The following GLB1L2 variants were observed in gnomAD, a reference collection of about 807,000 sequenced individuals.
GLB1L2 encodes galactosidase beta 1 like 2.
Under a neutral mutation model 84.1 loss-of-function variants are expected in GLB1L2, and 68 were observed. The ratio of observed to expected loss-of-function variants is 0.81; its 90% confidence interval spans 0.67 to 0.99. GLB1L2 has a LOEUF of 0.99. GLB1L2 is among the 50% of genes least tolerant of loss of function. The pLI, the probability that GLB1L2 is intolerant of heterozygous loss-of-function variation, is 0.00. For synonymous variants in GLB1L2, 290 were observed against 318.0 expected (o/e 0.91, Z 0.94); for missense variants, 762 against 805.6 (o/e 0.95, Z 0.66).
At chr11:134,363,025 C>T (rs751418111) in intron 7 of GLB1L2, among the ~76,000 whole-genome samples, 11 of 152,190 alleles carry the variant, frequency 7.2e-5, no homozygotes, top group Admixed American at 3.3e-4. Context: ...TGAGACGTAT[C>T]AGGAAGGACA....
In GLB1L2 at chr11:134,354,232, C is replaced by T. The variant is rs372094653; in HGVS notation, c.559-2069C>T. On this transcript the variant is annotated intron_variant, in intron 5 of 18. Coordinates refer to ENST00000535456, the MANE Select transcript of GLB1L2 (RefSeq NM_001370461.1). ...GATATATAATATCCTAAAGTTGTGACATTCTGTTTTAAATTGATACCAACC... is the reference window on the plus strand; with the variant it reads ...GATATATAATATCCTAAAGTTGTGATATTCTGTTTTAAATTGATACCAACC... Among the ~76,000 whole-genome samples, 197 of 152,138 alleles carry T rather than the reference C, an allele frequency of 1.3e-3. 1 individual carries two copies. The highest frequency in any genetic ancestry group is 4.6e-3 in the African/African-American group (192 of 41,506).
intron 6 of GLB1L2, among the ~76,000 whole-genome samples, chr11:134,358,334 G>A (rs930561820): frequency 2.6e-5 from 4 of 152,230 alleles, no homozygotes; most frequent in African/African-American, 7.2e-5. Context: ...TCCGAGGCGC[G>A]TCTCTACTGT....
chr11:134,345,884 C>T (rs1465661980), intron 4 of GLB1L2, among the ~76,000 whole-genome samples: 12 of 152,192 alleles, frequency 7.9e-5, no homozygotes, highest in South Asian at 2.1e-4. Flanking sequence ...TCTCGGCCCA[C>T]GTGTGTCATC....
intron 7 of GLB1L2, chr11:134,359,968 G>T (rs1013960059): frequency 1.3e-5 from 2 of 152,294 alleles, no homozygotes; most frequent in Non-Finnish European, 2.9e-5. Context: ...TTCTTCCTTC[G>T]TGGGGCTCAC....
At chr11:134,373,670 G>C in intron 15 of GLB1L2, 51 bp from the exon 16 acceptor site, 1 of 1,259,964 alleles carries the variant, frequency 7.9e-7, no homozygotes, top group Middle Eastern at 2.0e-4. Context: ...CGGCCCAGCT[G>C]ACTCGGCCCC....
chr11:134,347,315 A>G lies in GLB1L2; in HGVS notation c.450-10A>G. Reference sequence around the variant, plus strand: ...CTAACATCCTTCCTTTCCCCCGTTTACACTTCAAGCTGGCTACTCCAAGAC... The same window carrying G: ...CTAACATCCTTCCTTTCCCCCGTTTGCACTTCAAGCTGGCTACTCCAAGAC... On this transcript the variant is annotated splice_polypyrimidine_tract_variant and intron_variant, in intron 4 of 18. Coordinates refer to ENST00000535456, the MANE Select transcript of GLB1L2 (RefSeq NM_001370461.1). 6.2e-7 allele frequency: 1 copy of G among 1,605,970 alleles called. No homozygotes were observed. The highest frequency in any genetic ancestry group is 1.1e-5 in the South Asian group (1 of 90,884).
intron 6 of GLB1L2, among the ~76,000 whole-genome samples, chr11:134,358,289 T>C (rs1344352084): frequency 2.0e-5 from 3 of 152,252 alleles, no homozygotes; most frequent in African/African-American, 4.8e-5. Flanking sequence ...CACGTTGCCA[T>C]GGGCCCTGTA....
At position 134,370,248 on chromosome 11, in the gene GLB1L2, T is replaced by G; in HGVS notation, c.1109-45T>G. 1.3e-6 allele frequency: 2 copies of G among 1,523,710 alleles called. No homozygotes were observed. The highest frequency in any genetic ancestry group is 1.8e-6 in the Non-Finnish European group (2 of 1,098,176). 94.4% of individuals were successfully genotyped at this position (1,523,710 alleles called of 1,614,324 possible). ...CCGGGTGGGGAGGACGAGCAGGCAG[T>G]GACATTTGGGTCCGTTGGGGGTGAC... On this transcript the variant is annotated intron_variant, in intron 11 of 18. Transcript: ENST00000535456. The surrounding 1 kb of genome is among the most constrained non-coding windows in gnomAD (Gnocchi z 4.7).
At chr11:134,335,403 A>G (rs1220388894) in intron 1 of GLB1L2, among the ~76,000 whole-genome samples, 1 of 152,070 alleles carries the variant, frequency 6.6e-6, no homozygotes, top group African/African-American at 2.4e-5. Context: ...AAACTCTTTG[A>G]ACAGTGTTCC....
chr11:134,362,238 C>CATAGAGAA (rs1943803068), intron 7 of GLB1L2, among the ~76,000 whole-genome samples: 1 of 152,030 alleles, frequency 6.6e-6, no homozygotes, highest in Non-Finnish European at 1.5e-5. Context: ...CTTCTCATAG[C>CATAGAGAA]ATACTTTAGA....
chr11:134,348,028 A>G (rs777869470), intron 5 of GLB1L2, among the ~76,000 whole-genome samples: 18 of 152,234 alleles, frequency 1.2e-4, no homozygotes, highest in Non-Finnish European at 2.9e-5. Flanking sequence ...TTATATAATA[A>G]TTGGAAGCTT....
intron 3 of GLB1L2, 22 bp from the exon 4 acceptor site, chr11:134,345,012 C>T: frequency 6.2e-7 from 1 of 1,607,230 alleles, no homozygotes; most frequent in Non-Finnish European, 8.5e-7. Context: ...GTGGGAGGGG[C>T]TGACGATGTG....
chr11:134,356,268 C>A, intron 5 of GLB1L2, 33 bp from the exon 6 acceptor site: 1 of 1,571,572 alleles, frequency 6.4e-7, no homozygotes, highest in Non-Finnish European at 8.8e-7. Flanking sequence ...CCCCTGCACA[C>A]TCAGCTCCTG....
rs544755339 is a variant in GLB1L2 at position 134,338,987 on chromosome 11, G to C, written c.87-3767G>C. 6.6e-6 allele frequency among the ~76,000 whole-genome samples: 1 copy of C among 152,158 alleles called. No individual in the cohort carries two copies. Among genetic ancestry groups the C allele is most frequent in the Non-Finnish European group, 1.5e-5 (1 of 68,034 alleles). ...CGGACTCTTCTAAGGTGGAAAAATC[G>C]CTTTGGATAAATGAAGCCGAGATAC... is the stretch of plus-strand genomic sequence containing the variant. On this transcript the variant is annotated intron_variant, in intron 1 of 18. Coordinates refer to ENST00000535456, the MANE Select transcript of GLB1L2 (RefSeq NM_001370461.1). This position sits in a 1 kb window ranked among gnomAD's most constrained non-coding sequence, Gnocchi z 6.2.
intron 5 of GLB1L2, 42 bp downstream of exon 5, chr11:134,347,475 C>T (rs1013292290): frequency 1.4e-6 from 2 of 1,380,032 alleles, no homozygotes; most frequent in African/African-American, 2.8e-5. Context: ...GTCTGTCTTC[C>T]TCTAGGTCGT....
chr11:134,369,872 C>A lies in GLB1L2; in HGVS notation c.1095C>A (p.Phe365Leu). ...AGTACATGAAGCTTCGAGACTTCTT[C>A]GGCTCCATCTCAGGTACCCAGCAGA... Reference protein sequence around the residue: ...TAKYMKLRDFFGSISGIPLPP... With the variant: ...TAKYMKLRDFLGSISGIPLPP... The change falls in exon 11 of 19, where the codon TTC (phenylalanine) becomes TTA (leucine). Residue 365 changes from phenylalanine (F) to leucine (L), a missense_variant. Phe to Leu is a conservative substitution (Grantham distance 22). This residue lies in a region of GLB1L2 where 603 missense variants were observed against 611.7 expected (regional missense o/e 0.99). Coordinates refer to ENST00000535456, the MANE Select transcript of GLB1L2 (RefSeq NM_001370461.1). 1.2e-6 allele frequency: 2 copies of A among 1,613,606 alleles called. No homozygotes were observed. The highest frequency in any genetic ancestry group is 8.5e-7 in the Non-Finnish European group (1 of 1,179,554).
intron 7 of GLB1L2, chr11:134,359,915 G>C (rs1047026327): frequency 6.6e-6 from 1 of 152,308 alleles, no homozygotes; most frequent in African/African-American, 2.4e-5. Context: ...GCTGTTCTCC[G>C]AAGTTAGCGA....
At chr11:134,333,036 TTTACTTAGAGAAACTAAGTTCTTAGTTTC>T (rs1253227642) in intron 1 of GLB1L2, among the ~76,000 whole-genome samples, 2 of 152,154 alleles carry the variant, frequency 1.3e-5, no homozygotes, top group Non-Finnish European at 2.9e-5. Context: ...TTGCTTCTTT[TTTACTTAGAGAAACTAAGTTCTTAGTTTC>T]TCTGCACTTC....
At position 134,356,389 on chromosome 11, in the gene GLB1L2, A is replaced by G. The variant is rs925116255; in HGVS notation, c.647A>G (p.Lys216Arg). 8.1e-6 allele frequency: 13 copies of G among 1,608,568 alleles called. No homozygotes were observed. The highest frequency in any genetic ancestry group is 3.3e-5 in the Admixed American group (2 of 60,022). The change falls in exon 6 of 19, where the codon AAG (lysine) becomes AGG (arginine). Residue 216 changes from lysine (K) to arginine (R), a missense_variant. Physicochemically the swap from Lys to Arg is conservative, Grantham distance 26. This residue lies in a region of GLB1L2 where 603 missense variants were observed against 611.7 expected (regional missense o/e 0.99). Coordinates refer to ENST00000535456, the MANE Select transcript of GLB1L2 (RefSeq NM_001370461.1). ...NKDPAYMPYVKKALEDRGIVE... is the reference protein window; with the variant it reads ...NKDPAYMPYVRKALEDRGIVE... ...GACCCCGCATACATGCCCTACGTCA[A>G]GAAGGTAAGAATCCTCTTAGTGCGT...
Sources: allele counts gnomAD v4.1 joint callset (sites outside exome capture counted in the v4.1 genomes callset), GRCh38; gene constraint gnomAD v4.1.1; regional missense constraint gnomAD v4.1.1; non-coding constraint Gnocchi (gnomAD v3.1); transcripts MANE v1.5; gene names NCBI Gene and HGNC (gene_info 2026-07-23, HGNC 2026-07-21).